Variants in ATP6V1H observed in about 807,000 individuals in gnomAD.
The protein encoded by ATP6V1H is ATPase H+ transporting V1 subunit H.
ATP6V1H carries 39 observed loss-of-function variants against 71.7 expected under a neutral mutation model. That is an observed-to-expected ratio of 0.54 (90% CI 0.42 to 0.71). ATP6V1H has a LOEUF of 0.71. Ranked by LOEUF, ATP6V1H falls within the 30% of genes least tolerant of loss-of-function variation. The pLI, the probability that ATP6V1H is intolerant of heterozygous loss-of-function variation, is 0.00. For missense variants in ATP6V1H, 509 were observed against 594.9 expected (o/e 0.86, Z 1.50); for synonymous variants, 192 against 199.3 (o/e 0.96, Z 0.31).
At chr8:53,820,506 A>T (rs568715174) in intron 4 of ATP6V1H, among the ~76,000 whole-genome samples, 42 of 151,906 alleles carry the variant, frequency 2.8e-4, no homozygotes, top group Non-Finnish European at 5.3e-4. Context: ...TACAATTAAA[A>T]AATTTTTTTA....
At position 53,775,685 on chromosome 8, in the gene ATP6V1H, GC is replaced by G. The variant is rs571743164; in HGVS notation, c.871-3519del. On this transcript the variant is annotated intron_variant, in intron 9 of 13. Transcript: ENST00000359530. ...GAGCTAGACATAAATGTTCTCCAAGGCCCCACCAGAGCAGCTAGATACAGAG... is the reference window on the plus strand; with the variant it reads ...GAGCTAGACATAAATGTTCTCCAAGGCCCACCAGAGCAGCTAGATACAGAG... Among the ~76,000 whole-genome samples, 669 of 150,514 alleles carry G rather than the reference GC, an allele frequency of 4.4e-3. 5 individuals are homozygous for G. Among genetic ancestry groups the G allele is most frequent in the African/African-American group, 0.016 (633 of 40,814 alleles).
chr8:53,800,289 G>A (rs1809866863), intron 8 of ATP6V1H, among the ~76,000 whole-genome samples: 1 of 152,138 alleles, frequency 6.6e-6, no homozygotes, highest in South Asian at 2.1e-4. Flanking sequence ...TCTTATCTGT[G>A]AATAGAACTA....
At chr8:53,716,954 G>A (rs898874625) in intron 13 of ATP6V1H, among the ~76,000 whole-genome samples, 7 of 152,238 alleles carry the variant, frequency 4.6e-5, no homozygotes, top group African/African-American at 7.2e-5. Context: ...GAATAGAGAC[G>A]TGGGTTTACG....
intron 13 of ATP6V1H, among the ~76,000 whole-genome samples, chr8:53,720,763 GA>G (rs1249136690): frequency 6.6e-6 from 1 of 152,184 alleles, no homozygotes; most frequent in Non-Finnish European, 1.5e-5. Context: ...ATTAATCAAT[GA>G]AAACTACTAA....
chr8:53,784,784 C>G (rs1195365429), intron 9 of ATP6V1H, among the ~76,000 whole-genome samples: 6 of 152,126 alleles, frequency 3.9e-5, no homozygotes, highest in Non-Finnish European at 1.5e-5. Flanking sequence ...TTTTATTTCT[C>G]CTTCGCTTAT....
chr8:53,818,513 T>C (rs997326872), intron 4 of ATP6V1H, among the ~76,000 whole-genome samples: 5 of 152,246 alleles, frequency 3.3e-5, no homozygotes, highest in African/African-American at 1.2e-4. Context: ...TAATGAGTCA[T>C]TATTGTTTAG....
intron 13 of ATP6V1H, among the ~76,000 whole-genome samples, chr8:53,725,573 T>C (rs73682552): frequency 0.14 from 21,027 of 146,558 alleles, 2,503 homozygotes; most frequent in East Asian, 0.41. Flanking sequence ...CTAATTCCCT[T>C]ACACAAAGAT....
intron 9 of ATP6V1H, among the ~76,000 whole-genome samples, chr8:53,792,345 G>C (rs1414642961): frequency 6.6e-6 from 1 of 152,158 alleles, no homozygotes; most frequent in Non-Finnish European, 1.5e-5. Flanking sequence ...CTGGTCAATA[G>C]CTGGTCGGTG....
At chr8:53,829,304 C>A (rs1810919014) in intron 4 of ATP6V1H, 140 bp downstream of exon 4, 1 of 581,118 alleles carries the variant, frequency 1.7e-6, no homozygotes, top group Non-Finnish European at 2.9e-6. Flanking sequence ...CAAATTACAA[C>A]CCACATAAAT....
chr8:53,834,184 G>A (rs914673833), intron 2 of ATP6V1H, among the ~76,000 whole-genome samples: 1 of 152,164 alleles, frequency 6.6e-6, no homozygotes, highest in Non-Finnish European at 1.5e-5. Flanking sequence ...ATATGGGGAA[G>A]AGTTCCAGTT....
chr8:53,718,840 C>G (rs547598672), intron 13 of ATP6V1H, among the ~76,000 whole-genome samples: 18 of 152,252 alleles, frequency 1.2e-4, no homozygotes, highest in African/African-American at 4.3e-4. Context: ...AGAACAAGGA[C>G]TCATATAGAT....
At chr8:53,793,714 G>A (rs1353139394) in intron 9 of ATP6V1H, among the ~76,000 whole-genome samples, 1 of 152,036 alleles carries the variant, frequency 6.6e-6, no homozygotes, top group Non-Finnish European at 1.5e-5. Flanking sequence ...CGAGGCAGGT[G>A]GATCACTTGA....
intron 8 of ATP6V1H, among the ~76,000 whole-genome samples, chr8:53,798,519 G>GA (rs201442299): frequency 2.0e-5 from 3 of 147,382 alleles, no homozygotes; most frequent in South Asian, 2.2e-4. Context: ...TCTCAGAAAG[G>GA]AAAAAAAAAG....
intron 13 of ATP6V1H, among the ~76,000 whole-genome samples, chr8:53,740,771 T>G (rs1807379926): frequency 6.6e-6 from 1 of 152,206 alleles, no homozygotes; most frequent in Non-Finnish European, 1.5e-5. Context: ...TCTTTTACAT[T>G]TGGGGATATA....
At chr8:53,728,696 A>G (rs1025504519) in intron 13 of ATP6V1H, among the ~76,000 whole-genome samples, 22 of 152,228 alleles carry the variant, frequency 1.4e-4, no homozygotes, top group Non-Finnish European at 2.5e-4. Context: ...ACAGAAGGCC[A>G]GCAAAGCACA....
intron 13 of ATP6V1H, among the ~76,000 whole-genome samples, chr8:53,729,638 T>C (rs371495737): frequency 1.3e-5 from 2 of 152,212 alleles, no homozygotes; most frequent in East Asian, 3.8e-4. Flanking sequence ...CCCAGGCTAT[T>C]CCAGGCTGTC....
chr8:53,840,496 T>A (rs1245492706), intron 2 of ATP6V1H, among the ~76,000 whole-genome samples: 4 of 131,728 alleles, frequency 3.0e-5, no homozygotes, highest in Middle Eastern at 3.9e-3. Flanking sequence ...AGACTCTGTC[T>A]CAAAAAAAAA....
chr8:53,739,232 G>A (rs1807332757), intron 13 of ATP6V1H, among the ~76,000 whole-genome samples: 1 of 152,030 alleles, frequency 6.6e-6, no homozygotes, highest in African/African-American at 2.4e-5. Flanking sequence ...GGAATGTTTT[G>A]GTAACTTGAT....
chr8:53,746,632 G>C (rs1295672823), intron 12 of ATP6V1H, among the ~76,000 whole-genome samples: 1 of 152,068 alleles, frequency 6.6e-6, no homozygotes, highest in Admixed American at 6.5e-5. Flanking sequence ...AGCCCAGTGG[G>C]TCTCATACCA....
Sources: gnomAD v4.1 joint callset for allele counts (sites outside exome capture counted in the v4.1 genomes callset) on GRCh38, gnomAD v4.1.1 for gene constraint, MANE v1.5 for transcripts, NCBI Gene and HGNC (gene_info 2026-07-23, HGNC 2026-07-21) for gene names.